Variants in CCND3 observed in about 807,000 individuals in gnomAD.
The protein encoded by CCND3 is G1/S-specific cyclin-D3.
CCND3 carries 9 observed loss-of-function variants against 28.7 expected under a neutral mutation model. The ratio of observed to expected loss-of-function variants is 0.31; its 90% CI spans 0.19 to 0.55. The LOEUF (loss-of-function observed/expected upper bound fraction) is 0.55, where lower values mean the gene tolerates loss of function less well. CCND3 is among the 20% of genes least tolerant of loss of function. The pLI, the probability that CCND3 is intolerant of heterozygous loss-of-function variation, is 0.93. For missense variants in CCND3, 315 were observed against 385.8 expected, an observed-to-expected ratio of 0.82 and a Z score of 1.54; for synonymous variants, 164 against 163.9, an observed-to-expected ratio of 1.00 and a Z score of 0.00.
At position 41,935,874 on chromosome 6, in the gene CCND3, G is replaced by A; in HGVS notation, c.*66C>T. 6.9e-7 allele frequency: 1 copy of A among 1,451,396 alleles called. No homozygotes were observed. Among genetic ancestry groups the A allele is most frequent in the Non-Finnish European group, 9.5e-7 (1 of 1,054,960 alleles). 89.9% of individuals were successfully genotyped at this position (1,451,396 alleles called of 1,614,324 possible). A position where few individuals can be genotyped will look rare whatever the true frequency, so the allele number is the denominator to read the frequency against. Reference sequence around the variant, plus strand: ...GCTTAGATGTGGTGTGGTTCCTGGAGGCAGGGAGGTGGGTGGCAGCGGCCC... The same window carrying A: ...GCTTAGATGTGGTGTGGTTCCTGGAAGCAGGGAGGTGGGTGGCAGCGGCCC... On this transcript the variant is annotated 3_prime_UTR_variant, in exon 5 of 5. Coordinates refer to ENST00000372991, the MANE Select transcript of CCND3 (RefSeq NM_001760.5).
At position 42,035,514 on chromosome 6, in the gene CCND3, C is replaced by T. The variant is rs559579387; in HGVS notation, c.-46+12987G>A. ...TCCCGAGTAGCTGGGACTACAGGTGCCCACTACCACGCCTGGCTAATTTTT... is the reference window on the plus strand; with the variant it reads ...TCCCGAGTAGCTGGGACTACAGGTGTCCACTACCACGCCTGGCTAATTTTT... On this transcript the variant is annotated intron_variant, in intron 1 of 4. Coordinates refer to the CCND3 transcript ENST00000372988. Among the ~76,000 whole-genome samples, 6 of 151,386 alleles carry T rather than the reference C, an allele frequency of 4.0e-5. No homozygotes were observed. The East Asian group carries it at 9.7e-4, about 25-fold the overall frequency.
upstream of CCND3, chr6:42,049,045 C>CTTTTTCT: frequency 6.0e-6 from 1 of 167,730 alleles, no homozygotes; most frequent in Non-Finnish European, 1.3e-5. Flanking sequence ...TTTTCTTTTT[C>CTTTTTCT]TTTTTTTTGA....
At chr6:42,011,043 G>C (rs887566546) in intron 1 of CCND3, 3 of 152,036 alleles carry the variant, frequency 2.0e-5, no homozygotes, top group Non-Finnish European at 4.4e-5. Context: ...GCTTTCAAAA[G>C]TGATTCTTGA....
In CCND3 at chr6:41,995,918, A is replaced by C. The variant is rs1762786556; in HGVS notation, c.-46+52583T>G. ...CTTTTTAATAATACTAAAAATTTTA[A>C]GTTATAAATTTTAAAATGTTAATAA... On this transcript the variant is annotated intron_variant, in intron 1 of 4. Transcript: ENST00000372988. Among the ~76,000 whole-genome samples, 4 of 151,700 alleles carry C rather than the reference A, an allele frequency of 2.6e-5. No individual in the cohort carries two copies. In the South Asian group the frequency reaches 8.3e-4, roughly 31 times the overall value.
intron 1 of CCND3, among the ~76,000 whole-genome samples, chr6:41,952,584 G>A (rs1050310155): frequency 2.6e-5 from 4 of 152,178 alleles, no homozygotes; most frequent in Non-Finnish European, 5.9e-5. Context: ...GGGAGGGCGC[G>A]ATGGACTCTG....
At chr6:42,045,391 G>C (rs568980045) in intron 1 of CCND3, among the ~76,000 whole-genome samples, 177 of 152,246 alleles carry the variant, frequency 1.2e-3, no homozygotes, top group African/African-American at 4.2e-3. Flanking sequence ...CTGTAAATTG[G>C]AGATAGAGGT....
chr6:41,972,578 A>T (rs1261673664), intron 1 of CCND3, among the ~76,000 whole-genome samples: 1 of 152,070 alleles, frequency 6.6e-6, no homozygotes, highest in Non-Finnish European at 1.5e-5. Context: ...TGGTTGCATA[A>T]AGGTTCCCAT....
intron 1 of CCND3, among the ~76,000 whole-genome samples, chr6:42,004,254 A>C (rs1582152853): frequency 6.6e-6 from 1 of 152,058 alleles, no homozygotes; most frequent in East Asian, 1.9e-4. Flanking sequence ...TGTGAGCCAC[A>C]GTTCCTGGTC....
chr6:41,996,138 AT>A (rs35969401), intron 1 of CCND3, among the ~76,000 whole-genome samples: 18,973 of 102,336 alleles, frequency 0.19, 1,375 homozygotes, highest in East Asian at 0.32. Context: ...ATATATATAT[AT>A]TTTTTTTGTT....
chr6:41,959,717 C>T (rs1191030545), intron 1 of CCND3, among the ~76,000 whole-genome samples: 4 of 151,782 alleles, frequency 2.6e-5, no homozygotes, highest in African/African-American at 9.7e-5. Context: ...CCTGTAGTCC[C>T]AGCGCTTTGG....
At chr6:42,000,582 T>TTTTTTTTC (rs57411066) in intron 1 of CCND3, among the ~76,000 whole-genome samples, 1 of 145,766 alleles carries the variant, frequency 6.9e-6, no homozygotes, top group African/African-American at 2.5e-5. Context: ...TTTTTTTTTT[T>TTTTTTTTC]CTGAGACGGA....
At chr6:42,047,271 C>T (rs866559676) in intron 1 of CCND3, among the ~76,000 whole-genome samples, 5 of 152,204 alleles carry the variant, frequency 3.3e-5, no homozygotes, top group Admixed American at 6.5e-5. Flanking sequence ...GATTTGATTA[C>T]CATGACATCC....
At chr6:42,000,234 C>CTT (rs70987562) in intron 1 of CCND3, among the ~76,000 whole-genome samples, 9,347 of 50,198 alleles carry the variant, frequency 0.19, 3,530 homozygotes, top group Middle Eastern at 0.23. Context: ...TGAAAACATA[C>CTT]TTTTTTTTTT....
At chr6:42,005,402 C>T (rs778010807) in intron 1 of CCND3, among the ~76,000 whole-genome samples, 1 of 151,636 alleles carries the variant, frequency 6.6e-6, no homozygotes, top group African/African-American at 2.4e-5. Flanking sequence ...ATTAGTTGGG[C>T]GTGGTGGTGC....
At chr6:42,008,250 C>T (rs890778710) in intron 1 of CCND3, among the ~76,000 whole-genome samples, 1 of 151,832 alleles carries the variant, frequency 6.6e-6, no homozygotes, top group Non-Finnish European at 1.5e-5. Flanking sequence ...GTGGGGCGGG[C>T]GCCTGTAATC....
chr6:42,017,649 T>A (rs954154984), intron 1 of CCND3, among the ~76,000 whole-genome samples: 7 of 152,134 alleles, frequency 4.6e-5, no homozygotes, highest in Non-Finnish European at 1.0e-4. Context: ...AAGGCAGGCA[T>A]TGTGTCTCAT....
chr6:42,049,744 T>C (rs1193640985), upstream of CCND3: 1 of 152,346 alleles, frequency 6.6e-6, no homozygotes, highest in Admixed American at 6.5e-5. Flanking sequence ...AAGTGGGCCA[T>C]TGACAGGCGG....
At chr6:41,994,913 A>G (rs565591161) in intron 1 of CCND3, among the ~76,000 whole-genome samples, 207 of 152,058 alleles carry the variant, frequency 1.4e-3, no homozygotes, top group African/African-American at 4.7e-3. Context: ...CTCTACTACA[A>G]ATACAAAAAT....
intron 1 of CCND3, among the ~76,000 whole-genome samples, chr6:41,977,507 C>G (rs1408204830): frequency 6.6e-6 from 1 of 152,108 alleles, no homozygotes; most frequent in Admixed American, 6.6e-5. Flanking sequence ...GCTGGGATTA[C>G]AGGCACCTGC....
Sources: gnomAD v4.1 joint callset for allele counts (sites outside exome capture counted in the v4.1 genomes callset) on GRCh38, gnomAD v4.1.1 for gene constraint, MANE v1.5 for transcripts, NCBI Gene and HGNC (gene_info 2026-07-23, HGNC 2026-07-21) for gene names.